Variants in MCC observed in about 807,000 individuals in gnomAD.
MCC encodes the protein colorectal mutant cancer protein.
MCC carries 90 observed loss-of-function variants against 116.2 expected under a neutral mutation model. The observed-to-expected ratio is 0.77, with a 90% CI of 0.65 to 0.92. The LOEUF is 0.92. MCC is among the 40% of genes least tolerant of loss of function. The probability of loss-of-function intolerance (pLI) is 0.00; values close to 1 mark genes in which losing one functional copy is unlikely to be tolerated. For missense variants in MCC, 1,516 were observed against 1,312.2 expected (o/e 1.16, Z -2.40); for synonymous variants, 578 against 510.5 (o/e 1.13, Z -1.78).
chr5:113,311,122 C>A (rs1767126022), intron 3 of MCC, among the ~76,000 whole-genome samples: 3 of 152,160 alleles, frequency 2.0e-5, no homozygotes, highest in Admixed American at 6.5e-5. Context: ...AGAGCAAGAC[C>A]TGTCTCTTAA....
intron 2 of MCC, among the ~76,000 whole-genome samples, chr5:113,367,864 T>C (rs1361864933): frequency 6.6e-6 from 1 of 152,110 alleles, no homozygotes; most frequent in Non-Finnish European, 1.5e-5. Flanking sequence ...AGACTATAAA[T>C]CAATTGTCCA....
intron 5 of MCC, among the ~76,000 whole-genome samples, chr5:113,126,919 G>C (rs1468281065): frequency 1.3e-5 from 2 of 152,112 alleles, no homozygotes; most frequent in African/African-American, 4.8e-5. Flanking sequence ...GTGAGGGTTT[G>C]TTACGCAGGT....
intron 3 of MCC, among the ~76,000 whole-genome samples, chr5:113,180,091 C>A (rs546881026): frequency 6.6e-6 from 1 of 152,128 alleles, no homozygotes; most frequent in South Asian, 2.1e-4. Context: ...CAGCCTCCTC[C>A]CCCGATTTTA....
Position 113,434,602 on chromosome 5 carries a change from C to CA in MCC, c.171-49391dup. 1 of 1,613,858 alleles carries CA rather than the reference C, an allele frequency of 6.2e-7. No homozygotes were observed. Among genetic ancestry groups the CA allele is most frequent in the Non-Finnish European group, 8.5e-7 (1 of 1,179,882 alleles). On this transcript the variant is annotated intron_variant, in intron 1 of 18. Transcript: ENST00000408903. The surrounding 1 kb of genome is among the most constrained non-coding windows in gnomAD (Gnocchi z 4.2). ...ATGTAGACCTTGCCATGTGATGTCT[C>CA]AAAGATCTCGTAGGTCTTAATGATG...
At chr5:113,150,128 GAAT>G (rs149497998) in intron 4 of MCC, among the ~76,000 whole-genome samples, 2,930 of 152,146 alleles carry the variant, frequency 0.019, 90 homozygotes, top group African/African-American at 0.066. Context: ...AACAGGATGG[GAAT>G]AATAGAGACA....
chr5:113,057,369 C>T (rs1040790317), intron 14 of MCC, among the ~76,000 whole-genome samples: 3 of 152,072 alleles, frequency 2.0e-5, no homozygotes, highest in Non-Finnish European at 4.4e-5. Flanking sequence ...GGCAGGGGTG[C>T]ACCTTGGGAG....
At chr5:113,452,568 T>C (rs1771430657) in intron 1 of MCC, among the ~76,000 whole-genome samples, 2 of 152,220 alleles carry the variant, frequency 1.3e-5, no homozygotes, top group Non-Finnish European at 2.9e-5. Flanking sequence ...CACATCTTGA[T>C]CATGGGCTTC....
chr5:113,360,885 A>C (rs1327449915), intron 2 of MCC, among the ~76,000 whole-genome samples: 1 of 152,174 alleles, frequency 6.6e-6, no homozygotes, highest in Admixed American at 6.5e-5. Context: ...ACCTGTGCAA[A>C]GCAGAGGCCC....
Position 113,308,041 on chromosome 5 carries a change from T to C in MCC, c.627+32478A>G, listed in dbSNP as rs113121241. Among the ~76,000 whole-genome samples, 4 of 151,870 alleles carry C rather than the reference T, an allele frequency of 2.6e-5. 1 individual carries two copies. Among genetic ancestry groups the C allele is most frequent in the East Asian group, 1.9e-4 (1 of 5,152 alleles). On this transcript the variant is annotated intron_variant, in intron 3 of 18. Coordinates refer to ENST00000408903, the MANE Select transcript of MCC (RefSeq NM_001085377.2). ...AGGCTGGAGTGCAGTGGCACGATCA[T>C]GGCCCACTGCAGCCTCAACTTTTCA...
At chr5:113,214,148 C>T (rs550200589) in intron 3 of MCC, among the ~76,000 whole-genome samples, 1 of 152,338 alleles carries the variant, frequency 6.6e-6, no homozygotes, top group Non-Finnish European at 1.5e-5. Context: ...CAAGGCCACA[C>T]ACTGAGCAGC....
chr5:113,436,100 C>T (rs1413737993), intron 1 of MCC: 1 of 152,434 alleles, frequency 6.6e-6, no homozygotes, highest in Non-Finnish European at 1.5e-5. Context: ...AGGTGGAACC[C>T]TGGGCCCTTC....
chr5:113,264,885 T>C (rs1272518440), intron 3 of MCC, among the ~76,000 whole-genome samples: 1 of 152,040 alleles, frequency 6.6e-6, no homozygotes. Context: ...CTACTAAAAA[T>C]ACAAAAATTA....
chr5:113,185,264 G>C (rs1268896155), intron 3 of MCC, among the ~76,000 whole-genome samples: 1 of 152,072 alleles, frequency 6.6e-6, no homozygotes, highest in African/African-American at 2.4e-5. Flanking sequence ...TTGTAAATGG[G>C]AGTGGACTTA....
At chr5:113,211,042 CA>C (rs141943612) in intron 3 of MCC, among the ~76,000 whole-genome samples, 1,556 of 152,298 alleles carry the variant, frequency 0.01, 32 homozygotes, top group African/African-American at 0.036. Context: ...TGCCTATTAA[CA>C]TGATGCTATC....
At chr5:113,193,292 A>T (rs1054660468) in intron 3 of MCC, among the ~76,000 whole-genome samples, 5 of 152,060 alleles carry the variant, frequency 3.3e-5, no homozygotes, top group African/African-American at 1.2e-4. Flanking sequence ...TCGCATATGC[A>T]AAGATCCTTT....
At chr5:113,324,538 A>G (rs971713384) in intron 3 of MCC, among the ~76,000 whole-genome samples, 2 of 152,172 alleles carry the variant, frequency 1.3e-5, no homozygotes, top group Admixed American at 1.3e-4. Context: ...TATACTGGCT[A>G]AACCTAAGAT....
intron 8 of MCC, among the ~76,000 whole-genome samples, chr5:113,092,354 T>C (rs528329676): frequency 2.2e-4 from 33 of 152,272 alleles, no homozygotes; most frequent in African/African-American, 7.7e-4. Flanking sequence ...CTCTAGATGC[T>C]GGAAGCGACA....
At chr5:113,364,829 C>A (rs1768645941) in intron 2 of MCC, among the ~76,000 whole-genome samples, 1 of 152,170 alleles carries the variant, frequency 6.6e-6, no homozygotes, top group East Asian at 1.9e-4. Context: ...GAGCAGTGGG[C>A]TGAGCTCTAT....
At chr5:113,132,427 C>CATATATATATACACACATACAT (rs1758501712) in intron 5 of MCC, among the ~76,000 whole-genome samples, 23 of 107,328 alleles carry the variant, frequency 2.1e-4, no homozygotes, top group African/African-American at 9.3e-4. Flanking sequence ...TACACACATA[C>CATATATATATACACACATACAT]ATATATATAT....
Sources: gnomAD v4.1 joint callset for allele counts (sites outside exome capture counted in the v4.1 genomes callset) on GRCh38, gnomAD v4.1.1 for gene constraint, Gnocchi (gnomAD v3.1) non-coding constraint, MANE v1.5 for transcripts, NCBI Gene and HGNC (gene_info 2026-07-23, HGNC 2026-07-21) for gene names.